The following VAV1 variants were observed in gnomAD, a reference collection of about 807,000 sequenced individuals.
VAV1 encodes proto-oncogene vav.
In VAV1, 33 loss-of-function variants were observed where a neutral mutation model predicts 128.1. The ratio of observed to expected loss-of-function variants is 0.26; its 90% CI spans 0.20 to 0.34. The LOEUF is 0.34. Ranked by LOEUF, VAV1 falls within the 10% of genes least tolerant of loss-of-function variation. The pLI is 1.00. For missense variants in VAV1, 715 were observed against 1,093.7 expected (o/e 0.65, Z 4.88); for synonymous variants, 394 against 409.8 (o/e 0.96, Z 0.47).
intron 1 of VAV1, among the ~76,000 whole-genome samples, chr19:6,815,952 G>T (rs1321295163): frequency 6.6e-6 from 1 of 152,118 alleles, no homozygotes; most frequent in African/African-American, 2.4e-5. Context: ...ATTTAGGGAG[G>T]CTGAGGCAGG....
At position 6,813,583 on chromosome 19, in the gene VAV1, A is replaced by G. The variant is rs182086991; in HGVS notation, c.205-7119A>G. On this transcript the variant is annotated intron_variant, in intron 1 of 26. Transcript: ENST00000602142. ...GATTTATGGTGTCTTAATATTTGGT[A>G]GGACTCATACCCTTTATTTTCCCTC... 7.2e-5 allele frequency among the ~76,000 whole-genome samples: 11 copies of G among 152,284 alleles called. No homozygotes were observed. In the East Asian group the frequency reaches 1.7e-3, roughly 24 times the overall value.
At chr19:6,837,603 A>G (rs1436192831) in intron 21 of VAV1, among the ~76,000 whole-genome samples, 1 of 152,138 alleles carries the variant, frequency 6.6e-6, no homozygotes, top group Non-Finnish European at 1.5e-5. Flanking sequence ...AATTCTCTCC[A>G]GTGCTGGTTT....
intron 1 of VAV1, among the ~76,000 whole-genome samples, chr19:6,780,119 A>G (rs1241174059): frequency 1.4e-5 from 1 of 72,504 alleles, no homozygotes; most frequent in Non-Finnish European, 3.0e-5. Flanking sequence ...TTAAAATAAT[A>G]ATAATAATAA....
At chr19:6,821,727 C>T (rs201926382) in intron 3 of VAV1, 47 bp downstream of exon 3, 23 of 1,613,788 alleles carry the variant, frequency 1.4e-5, no homozygotes, top group African/African-American at 9.3e-5. Flanking sequence ...AGTCCTCCCC[C>T]TCCCTGAAGC....
At chr19:6,845,031 TA>T (rs1972483826) in intron 22 of VAV1, among the ~76,000 whole-genome samples, 1 of 152,028 alleles carries the variant, frequency 6.6e-6, no homozygotes, top group Non-Finnish European at 1.5e-5. Flanking sequence ...TTGCATTCAT[TA>T]AAAAAAGATG....
At position 6,793,572 on chromosome 19, in the gene VAV1, G is replaced by A. The variant is rs187874433; in HGVS notation, c.204+20561G>A. On this transcript the variant is annotated intron_variant, in intron 1 of 26. Coordinates refer to ENST00000602142, the MANE Select transcript of VAV1 (RefSeq NM_005428.4). ...AGTACAGGAAAATGTGCAGGACCCAGTGCTTATATAGTACAGGAAAAGGCA... is the reference window on the plus strand; with the variant it reads ...AGTACAGGAAAATGTGCAGGACCCAATGCTTATATAGTACAGGAAAAGGCA... Among the ~76,000 whole-genome samples, 3 of 152,006 alleles carry A rather than the reference G, an allele frequency of 2.0e-5. No individual in the cohort carries two copies. The East Asian group carries it at 5.8e-4, about 29-fold the overall frequency.
chr19:6,846,360 G>A (rs969337316), intron 22 of VAV1, among the ~76,000 whole-genome samples: 1 of 151,242 alleles, frequency 6.6e-6, no homozygotes, highest in Admixed American at 6.6e-5. Flanking sequence ...GCTGAGGCGG[G>A]TGGATCACTT....
intron 1 of VAV1, among the ~76,000 whole-genome samples, chr19:6,794,047 T>TACCAATAAATCAACAGTAAATG (rs1463079513): frequency 1.1e-5 from 1 of 93,622 alleles, no homozygotes; most frequent in African/African-American, 4.9e-5. Flanking sequence ...GTAAATGATT[T>TACCAATAAATCAACAGTAAATG]ATTTACCAAT....
chr19:6,823,918 G>GT (rs542301423), intron 6 of VAV1, among the ~76,000 whole-genome samples: 6 of 150,890 alleles, frequency 4.0e-5, no homozygotes, highest in Admixed American at 2.6e-4. Context: ...TTTTGTTTTG[G>GT]TTTTTTTTGT....
chr19:6,814,676 C>CTTTCTTTCTTTCTTTCTTTT lies in VAV1; in HGVS notation c.205-6007_205-6006insTTTTCTTTCTTTCTTTCTTT. Among the ~76,000 whole-genome samples, 5 of 97,370 alleles carry CTTTCTTTCTTTCTTTCTTTT rather than the reference C, an allele frequency of 5.1e-5. 1 individual carries two copies. In the South Asian group the frequency reaches 1.7e-3, roughly 33 times the overall value. The allele number at this position is 97,370 out of a possible 152,430, so 63.9% of individuals were successfully genotyped here. A position where few individuals can be genotyped will look rare whatever the true frequency, so the allele number is the denominator to read the frequency against. On this transcript the variant is annotated intron_variant, in intron 1 of 26. Coordinates refer to ENST00000602142, the MANE Select transcript of VAV1 (RefSeq NM_005428.4). ...CCTTCCTTCCTTCCTTCCTTCCTTTCTTTCTTTCTTTCTTTCTTTCTTTCT... is the reference window on the plus strand; with the variant it reads ...CCTTCCTTCCTTCCTTCCTTCCTTTCTTTCTTTCTTTCTTTCTTTTTTTCTTTCTTTCTTTCTTTCTTTCT...
intron 1 of VAV1, among the ~76,000 whole-genome samples, chr19:6,813,518 G>C (rs897634625): frequency 3.9e-5 from 6 of 152,164 alleles, no homozygotes; most frequent in African/African-American, 9.7e-5. Flanking sequence ...GGGCCATCCT[G>C]GAGGCTGGCT....
intron 19 of VAV1, 25 bp downstream of exon 19, chr19:6,833,978 G>T (rs308199): frequency 0.82 from 1,327,467 of 1,613,494 alleles, 560,310 homozygotes; most frequent in Non-Finnish European, 0.86. Context: ...GTTGCTGTGT[G>T]GGGGCAGGAG....
At position 6,833,537 on chromosome 19, in the gene VAV1, C is replaced by T. The variant is rs768921974; in HGVS notation, c.1620C>T (p.Phe540=). ...GTTCCCTGCATCTCAGAGGTACCTTCTATCAGGGCTACCGCTGCCATCGGT... is the reference window on the plus strand; with the variant it reads ...GTTCCCTGCATCTCAGAGGTACCTTTTATCAGGGCTACCGCTGCCATCGGT... The part of the protein sequence containing the change: ...KACQMLLRGT[F]YQGYRCHRCR... Residue 540 remains phenylalanine, a synonymous_variant, in exon 17 of 27, where the codon TTC becomes TTT. Coordinates refer to ENST00000602142, the MANE Select transcript of VAV1 (RefSeq NM_005428.4). The T allele has an allele frequency of 1.0e-5, 16 of 1,604,932 alleles. No individual in the cohort carries two copies. In the East Asian group the frequency reaches 3.6e-4, roughly 36 times the overall value.
intron 6 of VAV1, among the ~76,000 whole-genome samples, chr19:6,824,318 C>G (rs1971863368): frequency 6.6e-6 from 1 of 152,074 alleles, no homozygotes; most frequent in East Asian, 1.9e-4. Context: ...CTTATCTTCC[C>G]CCGGTCCATG....
intron 21 of VAV1, among the ~76,000 whole-genome samples, chr19:6,841,135 G>A (rs1229784238): frequency 1.3e-5 from 2 of 151,798 alleles, no homozygotes; most frequent in East Asian, 1.9e-4. Flanking sequence ...GGCTGGTCTC[G>A]AACTCCTGGG....
At chr19:6,807,470 G>T (rs58625170) in intron 1 of VAV1, among the ~76,000 whole-genome samples, 1,956 of 152,198 alleles carry the variant, frequency 0.013, 49 homozygotes, top group African/African-American at 0.044. Context: ...AGGTGGTAAT[G>T]CGAGCAATGG....
rs143130996 is a variant in VAV1 at position 6,828,972 on chromosome 19, G to A, written c.1265+72G>A. The A allele has an allele frequency of 9.0e-5, 141 of 1,566,086 alleles. 1 individual carries two copies. The African/African-American group carries it at 1.6e-3, about 18-fold the overall frequency. On this transcript the variant is annotated intron_variant, in intron 13 of 26. Coordinates refer to ENST00000602142, the MANE Select transcript of VAV1 (RefSeq NM_005428.4). The surrounding 1 kb of genome is among the most constrained non-coding windows in gnomAD (Gnocchi z 4.5). ...TGGGACCAGGCTCCTAGATGGGCAG[G>A]TGGGTGGAGTCAACACAGATCTGGG...
chr19:6,833,390 C>T (rs908012764), intron 16 of VAV1, 105 bp downstream of exon 16: 3 of 1,381,622 alleles, frequency 2.2e-6, no homozygotes, highest in African/African-American at 1.5e-5. Flanking sequence ...ATGGGGGAGT[C>T]CCTACTTTGA....
chr19:6,849,771 C>T (rs376115175), intron 23 of VAV1, among the ~76,000 whole-genome samples: 1 of 152,174 alleles, frequency 6.6e-6, no homozygotes, highest in Admixed American at 6.5e-5. Flanking sequence ...TCTCATTCTT[C>T]TTTATGGCTG....
Sources: allele counts gnomAD v4.1 joint callset (sites outside exome capture counted in the v4.1 genomes callset), GRCh38; gene constraint gnomAD v4.1.1; non-coding constraint Gnocchi (gnomAD v3.1); transcripts MANE v1.5; gene names NCBI Gene and HGNC (gene_info 2026-07-23, HGNC 2026-07-21).